Variants in LRP6 observed in about 807,000 individuals in gnomAD.
LRP6 encodes the protein low-density lipoprotein receptor-related protein 6.
LRP6 carries 43 observed loss-of-function variants against 184.1 expected under a neutral mutation model. That is an observed-to-expected ratio of 0.23 (90% CI 0.18 to 0.30). The LOEUF (loss-of-function observed/expected upper bound fraction) is 0.30, where lower values mean the gene tolerates loss of function less well. Ranked by LOEUF, LRP6 falls within the 10% of genes least tolerant of loss-of-function variation. The pLI, the probability that LRP6 is intolerant of heterozygous loss-of-function variation, is 1.00. For synonymous variants in LRP6, 719 were observed against 684.9 expected (o/e 1.05, Z -0.78); for missense variants, 1,571 against 2,005.3 (o/e 0.78, Z 4.14).
Position 12,196,857 on chromosome 12 carries a change from T to C in LRP6, c.647+6346A>G, listed in dbSNP as rs564244852. Reference sequence around the variant, plus strand: ...TACACCAGAAGGCAAATAATGTCTGTTCTTTTTCTTCTTGTGATGTTAGTA... The same window carrying C: ...TACACCAGAAGGCAAATAATGTCTGCTCTTTTTCTTCTTGTGATGTTAGTA... On this transcript the variant is annotated intron_variant, in intron 3 of 22. Transcript: ENST00000261349. Among the ~76,000 whole-genome samples, 4 of 152,312 alleles carry C rather than the reference T, an allele frequency of 2.6e-5. No homozygotes were observed. The East Asian group carries it at 5.8e-4, about 22-fold the overall frequency.
chr12:12,205,006 T>G (rs1242731710), intron 2 of LRP6, among the ~76,000 whole-genome samples: 2 of 151,366 alleles, frequency 1.3e-5, no homozygotes, highest in African/African-American at 2.4e-5. Flanking sequence ...CTTTAATGTA[T>G]TATACTTCTC....
At chr12:12,153,340 G>C (rs1378002159) in intron 12 of LRP6, among the ~76,000 whole-genome samples, 1 of 152,074 alleles carries the variant, frequency 6.6e-6, no homozygotes, top group African/African-American at 2.4e-5. Flanking sequence ...AGACTTAGAA[G>C]AAAGATCCCA....
At position 12,154,273 on chromosome 12, in the gene LRP6, G is replaced by A. The variant is rs537386887; in HGVS notation, c.2792-3235C>T. Among the ~76,000 whole-genome samples, 688 of 151,490 alleles carry A rather than the reference G, an allele frequency of 4.5e-3. 5 individuals are homozygous for A. The highest frequency in any genetic ancestry group is 0.016 in the African/African-American group (655 of 41,192). ...CTTGATAGGCCTTCTCCCAGTATCC[G>A]CATAGCTCATTTCCTCACTTCCTTC... On this transcript the variant is annotated intron_variant, in intron 12 of 22. Coordinates refer to ENST00000261349, the MANE Select transcript of LRP6 (RefSeq NM_002336.3).
chr12:12,172,968 T>C (rs1042106544), intron 7 of LRP6, among the ~76,000 whole-genome samples: 4 of 152,226 alleles, frequency 2.6e-5, no homozygotes, highest in African/African-American at 9.6e-5. Flanking sequence ...TGATTTTAAA[T>C]ATGAAAAGAA....
chr12:12,202,461 T>C (rs1358445597), intron 3 of LRP6, among the ~76,000 whole-genome samples: 1 of 152,202 alleles, frequency 6.6e-6, no homozygotes, highest in Non-Finnish European at 1.5e-5. Flanking sequence ...GAAGATCGCT[T>C]GAGCCCAGGA....
chr12:12,162,484 T>C (rs1472332991), intron 9 of LRP6, 65 bp from the exon 10 acceptor site: 1 of 1,430,592 alleles, frequency 7.0e-7, no homozygotes, highest in Non-Finnish European at 9.9e-7. Flanking sequence ...GAAAGAAGGT[T>C]TGGTTTGGTT....
chr12:12,158,523 C>T (rs1335721585), intron 12 of LRP6, among the ~76,000 whole-genome samples: 1 of 152,066 alleles, frequency 6.6e-6, no homozygotes, highest in African/African-American at 2.4e-5. Context: ...CAAGGTCTCG[C>T]TATATTGCCT....
chr12:12,223,452 T>C (rs1468787446), intron 2 of LRP6, among the ~76,000 whole-genome samples: 2 of 152,156 alleles, frequency 1.3e-5, no homozygotes, highest in Non-Finnish European at 2.9e-5. Context: ...TACTGTAAAA[T>C]ACAACCACTA....
At chr12:12,135,562 T>C (rs1265451347) in intron 16 of LRP6, among the ~76,000 whole-genome samples, 2 of 151,102 alleles carry the variant, frequency 1.3e-5, no homozygotes, top group African/African-American at 4.9e-5. Context: ...GGTGTGATCT[T>C]GGCTCACTGC....
At chr12:12,200,972 G>A (rs1311321151) in intron 3 of LRP6, among the ~76,000 whole-genome samples, 2 of 152,116 alleles carry the variant, frequency 1.3e-5, no homozygotes, top group African/African-American at 4.8e-5. Flanking sequence ...AACTTTAAAT[G>A]GGATTTTACC....
intron 2 of LRP6, among the ~76,000 whole-genome samples, chr12:12,216,706 G>A (rs985574382): frequency 1.3e-5 from 2 of 148,384 alleles, no homozygotes; most frequent in Non-Finnish European, 3.0e-5. Flanking sequence ...GTTTTCTCAA[G>A]CCCCAATAAA....
intron 1 of LRP6, among the ~76,000 whole-genome samples, chr12:12,250,237 G>A (rs1865292954): frequency 6.6e-6 from 1 of 151,926 alleles, no homozygotes; most frequent in South Asian, 2.1e-4. Context: ...CTTCTACCTA[G>A]GACTCTAAAT....
chr12:12,252,825 C>A (rs762838359), intron 1 of LRP6, among the ~76,000 whole-genome samples: 1 of 152,178 alleles, frequency 6.6e-6, no homozygotes, highest in Non-Finnish European at 1.5e-5. Context: ...TCTTGATATA[C>A]TCTATACATA....
At chr12:12,130,951 G>A in intron 18 of LRP6, 58 bp from the exon 19 acceptor site, 1 of 959,730 alleles carries the variant, frequency 1.0e-6, no homozygotes, top group East Asian at 2.5e-5. Context: ...GTCAAACTCT[G>A]GCAAGAATCA....
At position 12,184,089 on chromosome 12, in the gene LRP6, G is replaced by A. The variant is rs201730937; in HGVS notation, c.867C>T (p.Asp289=). The change falls in exon 5 of 23, where the codon GAC becomes GAT. Residue 289 remains aspartate (D), a synonymous_variant. Transcript: ENST00000261349. ...QPNATNPCGI[D]NGGCSHLCLM... ...AACACAAATGGGAACAACCCCCATT[G>A]TCAATTCCACATGGATTTGTGGCTG... 5.4e-5 allele frequency: 87 copies of A among 1,613,450 alleles called. No homozygotes were observed. The East Asian group carries it at 1.9e-3, about 34-fold the overall frequency.
intron 15 of LRP6, among the ~76,000 whole-genome samples, chr12:12,139,665 G>C (rs1949901933): frequency 6.6e-6 from 1 of 152,114 alleles, no homozygotes; most frequent in South Asian, 2.1e-4. Context: ...CAAGGCTGTA[G>C]TGAGCCAAGT....
At chr12:12,149,298 T>G (rs1950049719) in intron 13 of LRP6, 145 bp from the exon 14 acceptor site, 5 of 710,832 alleles carry the variant, frequency 7.0e-6, no homozygotes, top group Non-Finnish European at 1.3e-5. Flanking sequence ...TGATACCTTT[T>G]TTTATGGGTA....
chr12:12,225,238 A>C (rs1324749326), intron 2 of LRP6, among the ~76,000 whole-genome samples: 1 of 152,148 alleles, frequency 6.6e-6, no homozygotes, highest in Non-Finnish European at 1.5e-5. Flanking sequence ...GTGGGGAAGA[A>C]GCTTGGAAAT....
chr12:12,259,409 C>T (rs1865556824), intron 1 of LRP6, among the ~76,000 whole-genome samples: 1 of 152,124 alleles, frequency 6.6e-6, no homozygotes, highest in African/African-American at 2.4e-5. Context: ...TCCCCAATCT[C>T]CTCCTGAAAT....
Sources: gnomAD v4.1 joint callset for allele counts (sites outside exome capture counted in the v4.1 genomes callset) on GRCh38, gnomAD v4.1.1 for gene constraint, MANE v1.5 for transcripts, NCBI Gene and HGNC (gene_info 2026-07-23, HGNC 2026-07-21) for gene names.